The following PTPRR variants were observed in gnomAD, a reference collection of about 807,000 sequenced individuals.
PTPRR encodes receptor-type tyrosine-protein phosphatase R.
A neutral mutation model predicts 77.2 loss-of-function variants in PTPRR; 38 were observed. The ratio of observed to expected loss-of-function variants is 0.49; its 90% CI spans 0.38 to 0.65. The LOEUF (loss-of-function observed/expected upper bound fraction) is 0.65, where lower values mean the gene tolerates loss of function less well. Among genes scored for constraint, PTPRR ranks in the 30% least tolerant of loss-of-function variants. PTPRR has a pLI of 0.00. For missense variants in PTPRR, 744 were observed against 799.2 expected (o/e 0.93, Z 0.83); for synonymous variants, 299 against 283.1 (o/e 1.06, Z -0.57).
intron 10 of PTPRR, among the ~76,000 whole-genome samples, chr12:70,682,453 A>G (rs2136728400): frequency 6.6e-6 from 1 of 152,242 alleles, no homozygotes. Flanking sequence ...CAGTTCTTGT[A>G]TTACCATTAC....
intron 8 of PTPRR, among the ~76,000 whole-genome samples, chr12:70,697,427 T>G (rs551485834): frequency 6.6e-5 from 10 of 152,290 alleles, no homozygotes; most frequent in African/African-American, 2.4e-4. Flanking sequence ...TTTCTATTAT[T>G]GAGTTGTAAG....
chr12:70,874,984 G>T (rs1019940570), intron 2 of PTPRR, among the ~76,000 whole-genome samples: 1 of 147,386 alleles, frequency 6.8e-6, no homozygotes, highest in Admixed American at 6.8e-5. Context: ...AGAAATAAAA[G>T]CACTAGCACG....
At chr12:70,765,637 C>A (rs1890800579) in intron 2 of PTPRR, among the ~76,000 whole-genome samples, 1 of 152,188 alleles carries the variant, frequency 6.6e-6, no homozygotes, top group African/African-American at 2.4e-5. Flanking sequence ...ATGTCCCTGT[C>A]TGAGAGCTTT....
At chr12:70,885,663 T>C (rs533337660) in intron 2 of PTPRR, among the ~76,000 whole-genome samples, 1 of 151,590 alleles carries the variant, frequency 6.6e-6, no homozygotes, top group African/African-American at 2.4e-5. Flanking sequence ...GCCTCCCGAG[T>C]AGCTGGGACT....
chr12:70,800,125 C>T (rs899742796), intron 2 of PTPRR, among the ~76,000 whole-genome samples: 18 of 152,110 alleles, frequency 1.2e-4, no homozygotes, highest in African/African-American at 3.9e-4. Context: ...TTGGCTATTT[C>T]GCTAAAATAA....
chr12:70,784,134 A>G (rs1264689542), intron 2 of PTPRR, among the ~76,000 whole-genome samples: 5 of 152,114 alleles, frequency 3.3e-5, no homozygotes, highest in African/African-American at 1.2e-4. Context: ...CGGGAGGCCT[A>G]GATCCGCAGC....
At chr12:70,653,690 T>A (rs1335728086) in intron 13 of PTPRR, among the ~76,000 whole-genome samples, 1 of 152,218 alleles carries the variant, frequency 6.6e-6, no homozygotes, top group Non-Finnish European at 1.5e-5. Context: ...GGTCATATCA[T>A]CTTTTCATCC....
chr12:70,884,580 T>A (rs13378023), intron 2 of PTPRR, among the ~76,000 whole-genome samples: 17,845 of 151,736 alleles, frequency 0.12, 1,903 homozygotes, highest in African/African-American at 0.29. Flanking sequence ...GGATTAAAAA[T>A]TTTTTTGCCA....
chr12:70,907,908 C>A (rs1323308351), intron 1 of PTPRR, among the ~76,000 whole-genome samples: 7 of 152,292 alleles, frequency 4.6e-5, no homozygotes, highest in African/African-American at 1.7e-4. Context: ...CAGAAAAATG[C>A]TCATATGGCT....
chr12:70,765,453 G>A (rs1251695274), intron 2 of PTPRR, among the ~76,000 whole-genome samples: 1 of 152,168 alleles, frequency 6.6e-6, no homozygotes, highest in East Asian at 1.9e-4. Context: ...CAGTGAGGCT[G>A]GGGGAGGGGT....
At chr12:70,919,673 G>GTTTT (rs58439089) in intron 1 of PTPRR, among the ~76,000 whole-genome samples, 1,296 of 109,940 alleles carry the variant, frequency 0.012, 120 homozygotes, top group Non-Finnish European at 0.018. Flanking sequence ...AACTGTAATT[G>GTTTT]TTTTTTTTTT....
intron 3 of PTPRR, among the ~76,000 whole-genome samples, chr12:70,763,747 C>G (rs11178398): frequency 6.6e-6 from 1 of 151,948 alleles, no homozygotes; most frequent in South Asian, 2.1e-4. Context: ...ACATTAAGAG[C>G]AATTTAAAAC....
intron 1 of PTPRR, among the ~76,000 whole-genome samples, chr12:70,904,401 C>T (rs747960908): frequency 6.6e-6 from 1 of 151,802 alleles, no homozygotes; most frequent in South Asian, 2.1e-4. Flanking sequence ...TATTGATCCA[C>T]ACAACTTGAA....
At chr12:70,891,790 C>A (rs1893341389) in intron 2 of PTPRR, among the ~76,000 whole-genome samples, 1 of 151,994 alleles carries the variant, frequency 6.6e-6, no homozygotes, top group Admixed American at 6.6e-5. Context: ...AAAAAAGAAG[C>A]TTGTTAGATT....
At chr12:70,697,756 A>G (rs113984949) in intron 8 of PTPRR, among the ~76,000 whole-genome samples, 76 of 151,808 alleles carry the variant, frequency 5.0e-4, no homozygotes, top group African/African-American at 1.5e-3. Flanking sequence ...TTGCATGTGG[A>G]TATCTGGTTG....
At chr12:70,869,094 T>A (rs1257245681) in intron 2 of PTPRR, among the ~76,000 whole-genome samples, 1 of 147,140 alleles carries the variant, frequency 6.8e-6, no homozygotes. Context: ...AAATGACGAG[T>A]TAATGGGTGC....
At chr12:70,899,277 C>T (rs889556353) in intron 1 of PTPRR, among the ~76,000 whole-genome samples, 4 of 151,264 alleles carry the variant, frequency 2.6e-5, no homozygotes, top group African/African-American at 9.7e-5. Flanking sequence ...AAAAAAAACA[C>T]TATAGACCAA....
intron 1 of PTPRR, among the ~76,000 whole-genome samples, chr12:70,917,060 A>G (rs1186136818): frequency 6.6e-6 from 1 of 152,204 alleles, no homozygotes; most frequent in African/African-American, 2.4e-5. Context: ...TATAAATAAT[A>G]TCTCCTCAAA....
chr12:70,678,624 A>T (rs1375615515), intron 10 of PTPRR, among the ~76,000 whole-genome samples: 1 of 151,336 alleles, frequency 6.6e-6, no homozygotes. Context: ...TTCTGCTTTG[A>T]TCTTTCTTAT....
Sources: gnomAD v4.1 joint callset for allele counts (sites outside exome capture counted in the v4.1 genomes callset) on GRCh38, gnomAD v4.1.1 for gene constraint, MANE v1.5 for transcripts, NCBI Gene and HGNC (gene_info 2026-07-23, HGNC 2026-07-21) for gene names.